HAUS2: variants seen among roughly 807,000 people sequenced by gnomAD.
HAUS2 encodes the protein HAUS augmin like complex subunit 2, also known as HAUS augmin-like complex subunit 2.
HAUS2 carries 20 observed loss-of-function variants against 21.6 expected under a neutral mutation model. The ratio of observed to expected loss-of-function variants is 0.93; its 90% confidence interval spans 0.65 to 1.35. The LOEUF (loss-of-function observed/expected upper bound fraction) is 1.35, where lower values mean the gene tolerates loss of function less well. Ranked by LOEUF, HAUS2 falls within the 40% of genes most tolerant of loss-of-function variation. The pLI, the probability that HAUS2 is intolerant of heterozygous loss-of-function variation, is 0.00. For synonymous variants in HAUS2, 113 were observed against 95.6 expected (o/e 1.18, Z -1.06); for missense variants, 297 against 280.7 (o/e 1.06, Z -0.42).
intron 1 of HAUS2, among the ~76,000 whole-genome samples, chr15:42,553,932 C>G (rs1169409903): frequency 1.3e-5 from 2 of 152,240 alleles, no homozygotes; most frequent in African/African-American, 2.4e-5. Flanking sequence ...TTGGCACACA[C>G]TGGCAGTGTG....
At chr15:42,559,483 A>G in intron 3 of HAUS2, 75 bp downstream of exon 3, 1 of 837,892 alleles carries the variant, frequency 1.2e-6, no homozygotes, top group Non-Finnish European at 2.1e-6. Context: ...AGCACCAGTC[A>G]GTCAAATTAT....
At chr15:42,553,222 T>C (rs1409641653) in intron 1 of HAUS2, among the ~76,000 whole-genome samples, 2 of 152,176 alleles carry the variant, frequency 1.3e-5, no homozygotes, top group South Asian at 2.1e-4. Context: ...CCTGACCTCA[T>C]GATCCACCTG....
intron 1 of HAUS2, among the ~76,000 whole-genome samples, chr15:42,556,904 C>T (rs2057783407): frequency 6.6e-6 from 1 of 151,682 alleles, no homozygotes; most frequent in Non-Finnish European, 1.5e-5. Context: ...CAAAAACTCC[C>T]AGCTACTTGG....
At chr15:42,560,926 A>G (rs1347652139) in intron 3 of HAUS2, 4 of 677,114 alleles carry the variant, frequency 5.9e-6, no homozygotes, top group East Asian at 5.4e-5. Flanking sequence ...TTTATAGACT[A>G]TTAGAGTCAG....
chr15:42,560,716 G>A (rs2057840533), intron 3 of HAUS2: 1 of 669,930 alleles, frequency 1.5e-6, no homozygotes, highest in Middle Eastern at 3.1e-4. Flanking sequence ...ATTCTCTCAA[G>A]TAGCTAGGAC....
At chr15:42,561,514 A>C in intron 4 of HAUS2, 112 bp downstream of exon 4, 1 of 707,576 alleles carries the variant, frequency 1.4e-6, no homozygotes, top group South Asian at 1.7e-5. Context: ...GTATTTGTTA[A>C]CATTATTAAT....
At chr15:42,561,118 T>C (rs2057847910) in intron 3 of HAUS2, 152 bp from the exon 4 acceptor site, 7 of 563,850 alleles carry the variant, frequency 1.2e-5, no homozygotes, top group Non-Finnish European at 2.2e-5. Flanking sequence ...GAAAATGAAA[T>C]TGGTATTGGT....
chr15:42,563,918 C>T, intron 5 of HAUS2, 61 bp downstream of exon 5: 1 of 798,728 alleles, frequency 1.3e-6, no homozygotes, highest in Non-Finnish European at 2.1e-6. Context: ...GTGTGCTCTC[C>T]CAGTTTAGCT....
chr15:42,554,979 C>G (rs949831522), intron 1 of HAUS2, among the ~76,000 whole-genome samples: 2 of 151,762 alleles, frequency 1.3e-5, no homozygotes, highest in African/African-American at 4.8e-5. Flanking sequence ...AGGCACATGT[C>G]ACCATGCCTG....
intron 3 of HAUS2, among the ~76,000 whole-genome samples, chr15:42,559,706 A>G (rs2057828854): frequency 6.6e-6 from 1 of 152,158 alleles, no homozygotes; most frequent in Admixed American, 6.5e-5. Flanking sequence ...GCACTGTATG[A>G]TCATGGATCG....
At chr15:42,555,193 G>A (rs967753303) in intron 1 of HAUS2, among the ~76,000 whole-genome samples, 3 of 151,746 alleles carry the variant, frequency 2.0e-5, no homozygotes, top group Non-Finnish European at 4.4e-5. Context: ...TCACCATGTT[G>A]GCCAGGATGG....
chr15:42,561,337 C>T lies in HAUS2; in HGVS notation c.324C>T (p.Ser108=), dbSNP rs773724583. ...HLEAVLKEKR[S]LRQRLLKPMC... ...AAGCAGTGCTGAAAGAGAAGAGATCCCTTAGGCAAAGACTGTTGAAACCCA... is the reference window on the plus strand; with the variant it reads ...AAGCAGTGCTGAAAGAGAAGAGATCTCTTAGGCAAAGACTGTTGAAACCCA... The change falls in exon 4 of 6, where the codon TCC becomes TCT. Residue 108 remains serine (S), a synonymous_variant. Transcript: ENST00000260372. The T allele has an allele frequency of 1.3e-6, 2 of 1,576,448 alleles. No individual in the cohort carries two copies. The highest frequency in any genetic ancestry group is 1.7e-4 in the Middle Eastern group (1 of 5,996).
intron 5 of HAUS2, among the ~76,000 whole-genome samples, chr15:42,564,127 A>G (rs559282033): frequency 6.4e-4 from 98 of 151,992 alleles, no homozygotes; most frequent in Non-Finnish European, 1.1e-3. Context: ...TTAGCTGGGC[A>G]TGGTGGTGCG....
intron 3 of HAUS2, chr15:42,560,687 C>G: frequency 6.4e-6 from 4 of 623,122 alleles, no homozygotes; most frequent in Non-Finnish European, 1.2e-5. Context: ...GCTGTAACTT[C>G]AACACGTGGT....
chr15:42,554,170 A>G (rs2141592760), intron 1 of HAUS2, among the ~76,000 whole-genome samples: 1 of 152,254 alleles, frequency 6.6e-6, no homozygotes, highest in Admixed American at 6.5e-5. Context: ...CCTAGTCCAC[A>G]TTCTCATCCT....
At chr15:42,565,109 T>C (rs2057893157) in intron 5 of HAUS2, among the ~76,000 whole-genome samples, 1 of 152,192 alleles carries the variant, frequency 6.6e-6, no homozygotes, top group Admixed American at 6.5e-5. Flanking sequence ...AGTGTTGGGA[T>C]TAAAGGCCTG....
intron 4 of HAUS2, among the ~76,000 whole-genome samples, chr15:42,562,559 C>G (rs1406132318): frequency 1.3e-5 from 2 of 152,152 alleles, no homozygotes; most frequent in Non-Finnish European, 2.9e-5. Flanking sequence ...TGTGCCACTG[C>G]ACTCCAGCCT....
chr15:42,555,345 G>C (rs961182430), intron 1 of HAUS2, among the ~76,000 whole-genome samples: 1 of 151,968 alleles, frequency 6.6e-6, no homozygotes, highest in Admixed American at 6.6e-5. Flanking sequence ...GTGCAGGCTG[G>C]TCTCAAACTC....
At chr15:42,559,310 G>C in intron 2 of HAUS2, 29 bp from the exon 3 acceptor site, 1 of 1,385,908 alleles carries the variant, frequency 7.2e-7, no homozygotes, top group Non-Finnish European at 1.0e-6. Flanking sequence ...TTCTGATTGA[G>C]CTAAATGTTA....
Sources: allele counts gnomAD v4.1 joint callset (sites outside exome capture counted in the v4.1 genomes callset), GRCh38; gene constraint gnomAD v4.1.1; transcripts MANE v1.5; gene names NCBI Gene and HGNC (gene_info 2026-07-23, HGNC 2026-07-21).